Variants in ZC3H6 observed in about 807,000 individuals in gnomAD.
ZC3H6 encodes the protein zinc finger CCCH domain-containing protein 6.
A neutral mutation model predicts 107.7 loss-of-function variants in ZC3H6; 40 were observed. The observed-to-expected ratio is 0.37, with a 90% CI of 0.29 to 0.48. ZC3H6 has a LOEUF of 0.48. Ranked by LOEUF, ZC3H6 falls within the 20% of genes least tolerant of loss-of-function variation. The probability of loss-of-function intolerance (pLI) is 0.98; values close to 1 mark genes in which losing one functional copy is unlikely to be tolerated. For missense variants in ZC3H6, 1,267 were observed against 1,410.4 expected (o/e 0.90, Z 1.63); for synonymous variants, 493 against 487.9 (o/e 1.01, Z -0.14).
Position 112,310,164 on chromosome 2 carries a change from A to G in ZC3H6, c.613+3A>G, listed in dbSNP as rs1178177515. 1 of 1,610,330 alleles carries G rather than the reference A, an allele frequency of 6.2e-7. No homozygotes were observed. The highest frequency in any genetic ancestry group is 8.5e-7 in the Non-Finnish European group (1 of 1,178,224). On this transcript the variant is annotated splice_donor_region_variant and intron_variant, in intron 4 of 11. Coordinates refer to ENST00000409871, the MANE Select transcript of ZC3H6 (RefSeq NM_198581.3). ...GAGAATGAAAGGAGTTCAGCAAGGT[A>G]AGTTTGAAATTACAGTCTGTCTTAG... is the stretch of plus-strand genomic sequence containing the variant.
intron 1 of ZC3H6, among the ~76,000 whole-genome samples, chr2:112,298,092 T>A (rs1296973907): frequency 6.6e-6 from 1 of 152,204 alleles, no homozygotes; most frequent in Non-Finnish European, 1.5e-5. Context: ...GCAGTCTGGG[T>A]GACAGAGTGA....
chr2:112,291,481 G>A (rs1400800001), intron 1 of ZC3H6, among the ~76,000 whole-genome samples: 3 of 152,186 alleles, frequency 2.0e-5, no homozygotes, highest in Admixed American at 6.5e-5. Flanking sequence ...TAATCCGTCC[G>A]CCTCAGCCTC....
chr2:112,310,445 A>G (rs1376235201), intron 4 of ZC3H6, among the ~76,000 whole-genome samples: 1 of 152,216 alleles, frequency 6.6e-6, no homozygotes, highest in Non-Finnish European at 1.5e-5. Flanking sequence ...GTGTCATGTC[A>G]GTATACAGTT....
In ZC3H6 at chr2:112,332,768, C is replaced by T. The variant is rs145601813; in HGVS notation, c.*280C>T. Reference sequence around the variant, plus strand: ...AACAATCATGAACTCAACACTCTGCCTGAATATATGCCAGTTGTCTTTCAT... The same window carrying T: ...AACAATCATGAACTCAACACTCTGCTTGAATATATGCCAGTTGTCTTTCAT... On this transcript the variant is annotated 3_prime_UTR_variant, in exon 12 of 12. Coordinates refer to ENST00000409871, the MANE Select transcript of ZC3H6 (RefSeq NM_198581.3). 6.6e-3 allele frequency: 1,545 copies of T among 233,426 alleles called. 25 individuals are homozygous for T. Among genetic ancestry groups the T allele is most frequent in the African/African-American group, 0.033 (1,472 of 44,066 alleles). The allele number at this position is 233,426 out of a possible 1,614,324, so 14.5% of individuals were successfully genotyped here.
Position 112,324,246 on chromosome 2 carries a change from C to A in ZC3H6, c.1435C>A (p.Pro479Thr). ...PQHIYSSGSS[P>T]GPGPNMSQGH... ...ACATATCTATAGTTCTGGGTCAAGT[C>A]CAGGTCCTGGACCTAACATGTCTCA... is the stretch of plus-strand genomic sequence containing the variant. Residue 479 changes from proline to threonine, a missense_variant, in exon 10 of 12, where the codon CCA becomes ACA. By Grantham distance (38) the Pro-to-Thr change is conservative. Transcript: ENST00000409871. The A allele has an allele frequency of 6.2e-7, 1 of 1,613,530 alleles. No homozygotes were observed. The highest frequency in any genetic ancestry group is 8.5e-7 in the Non-Finnish European group (1 of 1,179,464).
chr2:112,305,058 T>C (rs971592405), intron 3 of ZC3H6, among the ~76,000 whole-genome samples: 1 of 152,158 alleles, frequency 6.6e-6, no homozygotes, highest in Non-Finnish European at 1.5e-5. Context: ...GATTTTAGAG[T>C]CAGTGGTTGT....
intron 9 of ZC3H6, among the ~76,000 whole-genome samples, chr2:112,323,703 A>G (rs1212580314): frequency 6.6e-6 from 1 of 152,242 alleles, no homozygotes; most frequent in South Asian, 2.1e-4. Context: ...AAGAAGAGCA[A>G]CATTCAAAAA....
At chr2:112,290,596 C>T (rs1228856867) in intron 1 of ZC3H6, among the ~76,000 whole-genome samples, 15 of 151,402 alleles carry the variant, frequency 9.9e-5, no homozygotes, top group African/African-American at 3.6e-4. Flanking sequence ...TTTTGTTTGC[C>T]ATTGTATCCC....
At chr2:112,277,028 G>A (rs1686439618) in intron 1 of ZC3H6, among the ~76,000 whole-genome samples, 1 of 152,110 alleles carries the variant, frequency 6.6e-6, no homozygotes, top group Non-Finnish European at 1.5e-5. Context: ...TAATGTGATC[G>A]GCTTGGTAAA....
chr2:112,310,557 C>A (rs1676574656), intron 4 of ZC3H6, among the ~76,000 whole-genome samples: 1 of 152,146 alleles, frequency 6.6e-6, no homozygotes, highest in African/African-American at 2.4e-5. Context: ...AGCAAGTGTG[C>A]ATGGACTATG....
rs775964418 is a variant in ZC3H6 at position 112,332,081 on chromosome 2, G to A, written c.3163G>A (p.Gly1055Ser). Residue 1055 changes from glycine (G) to serine (S), a missense_variant, in exon 12 of 12, where the codon GGT (glycine) becomes AGT (serine). By Grantham distance (56) the Gly-to-Ser change is moderately conservative. This residue lies in a region of ZC3H6 where 925 missense variants were observed against 1,025.7 expected (regional missense o/e 0.90). Transcript: ENST00000409871. ...GISLYDPRDH[G>S]SSSTSELATA... Reference sequence around the variant, plus strand: ...TAGTTTGTATGACCCTAGGGATCACGGTTCATCATCCACATCAGAGCTAGC... The same window carrying A: ...TAGTTTGTATGACCCTAGGGATCACAGTTCATCATCCACATCAGAGCTAGC... 21 of 1,613,854 alleles carry A rather than the reference G, an allele frequency of 1.3e-5. No homozygotes were observed. Among genetic ancestry groups the A allele is most frequent in the African/African-American group, 5.3e-5 (4 of 74,902 alleles).
In ZC3H6 at chr2:112,331,819, A is replaced by G; in HGVS notation, c.2901A>G (p.Lys967=). ...AATTAGGAGATCCTAGACTACAAAAAAATTTTGATCCTAGGCTTCACAGAC... is the reference window on the plus strand; with the variant it reads ...AATTAGGAGATCCTAGACTACAAAAGAATTTTGATCCTAGGCTTCACAGAC... ...GAKLGDPRLQ[K]NFDPRLHRLP... Residue 967 remains lysine, a synonymous_variant, in exon 12 of 12, where the codon AAA becomes AAG. Transcript: ENST00000409871. The G allele has an allele frequency of 6.2e-7, 1 of 1,613,772 alleles. No homozygotes were observed. The highest frequency in any genetic ancestry group is 8.5e-7 in the Non-Finnish European group (1 of 1,179,866).
rs1213369408 is a variant in ZC3H6 at position 112,338,871 on chromosome 2, A to G, written c.*6383A>G. 0.013 allele frequency: 160 copies of G among 12,332 alleles called. 13 individuals are homozygous for G. The highest frequency in any genetic ancestry group is 0.047 in the African/African-American group (26 of 550). The allele number at this position is 12,332 out of a possible 1,614,324, so 0.8% of individuals were successfully genotyped here. A position where few individuals can be genotyped will look rare whatever the true frequency, so the allele number is the denominator to read the frequency against. Reference sequence around the variant, plus strand: ...TATATGTGTGTATATATATATATATATATATATATATATATATATATATAT... The same window carrying G: ...TATATGTGTGTATATATATATATATGTATATATATATATATATATATATAT... On this transcript the variant is annotated 3_prime_UTR_variant, in exon 12 of 12. Transcript: ENST00000409871.
At chr2:112,302,282 C>A (rs1166197502) in intron 2 of ZC3H6, among the ~76,000 whole-genome samples, 1 of 152,074 alleles carries the variant, frequency 6.6e-6, no homozygotes, top group Non-Finnish European at 1.5e-5. Flanking sequence ...AAAAATATTT[C>A]TTTATGTCAC....
chr2:112,337,520 C>G lies in ZC3H6; in HGVS notation c.*5032C>G, dbSNP rs1321511040. 6.6e-6 allele frequency: 1 copy of G among 151,466 alleles called. No homozygotes were observed. The highest frequency in any genetic ancestry group is 6.6e-5 in the Admixed American group (1 of 15,178). The allele number at this position is 151,466 out of a possible 1,614,324, so 9.4% of individuals were successfully genotyped here. ...TGTATTTACTAGAGACGGGGTTTCA[C>G]CATGTTGATCAGGCTGATCTTGAAC... On this transcript the variant is annotated 3_prime_UTR_variant, in exon 12 of 12. Transcript: ENST00000409871.
intron 4 of ZC3H6, among the ~76,000 whole-genome samples, chr2:112,311,315 G>A (rs538738125): frequency 6.6e-6 from 1 of 152,080 alleles, no homozygotes. Flanking sequence ...ACTAATTTTT[G>A]TAATTTGGGT....
intron 1 of ZC3H6, among the ~76,000 whole-genome samples, chr2:112,293,581 C>A (rs1307646350): frequency 6.6e-6 from 1 of 152,152 alleles, no homozygotes; most frequent in Non-Finnish European, 1.5e-5. Flanking sequence ...AACAGAAAAT[C>A]ACGAAAACTC....
Position 112,275,791 on chromosome 2 carries a change from C to G in ZC3H6, c.-204C>G. 2.1e-6 allele frequency: 1 copy of G among 482,344 alleles called. No individual in the cohort carries two copies. The highest frequency in any genetic ancestry group is 3.7e-6 in the Non-Finnish European group (1 of 268,750). The allele number at this position is 482,344 out of a possible 1,614,324, so 29.9% of individuals were successfully genotyped here. A position where few individuals can be genotyped will look rare whatever the true frequency, so the allele number is the denominator to read the frequency against. On this transcript the variant is annotated 5_prime_UTR_variant, in exon 1 of 12. Transcript: ENST00000409871. ...GTTGCCCAGTGTTTGCAGTTAGAGCCCCATCTCTCTGGCGTGGTTGTTAAT... is the reference window on the plus strand; with the variant it reads ...GTTGCCCAGTGTTTGCAGTTAGAGCGCCATCTCTCTGGCGTGGTTGTTAAT...
At position 112,338,125 on chromosome 2, in the gene ZC3H6, T is replaced by C. The variant is rs903762510; in HGVS notation, c.*5637T>C. The C allele has an allele frequency of 2.0e-5, 3 of 152,010 alleles. No homozygotes were observed. The highest frequency in any genetic ancestry group is 4.4e-5 in the Non-Finnish European group (3 of 68,020). 9.4% of individuals were successfully genotyped at this position (152,010 alleles called of 1,614,324 possible). A position where few individuals can be genotyped will look rare whatever the true frequency, so the allele number is the denominator to read the frequency against. Reference sequence around the variant, plus strand: ...CACCACAACCAGCTAATTTTTTATATTTTTGGTAGAGACACAGTTTCATCA... The same window carrying C: ...CACCACAACCAGCTAATTTTTTATACTTTTGGTAGAGACACAGTTTCATCA... On this transcript the variant is annotated 3_prime_UTR_variant, in exon 12 of 12. Transcript: ENST00000409871.
Sources: gnomAD v4.1 joint callset for allele counts (sites outside exome capture counted in the v4.1 genomes callset) on GRCh38, gnomAD v4.1.1 for gene constraint, gnomAD v4.1.1 regional missense constraint, MANE v1.5 for transcripts, NCBI Gene and HGNC (gene_info 2026-07-23, HGNC 2026-07-21) for gene names.